ARHGAP24: variants seen among roughly 807,000 people sequenced by gnomAD.
ARHGAP24 encodes Rho GTPase activating protein 24, also known as rho GTPase-activating protein 24.
In ARHGAP24, 50 loss-of-function variants were observed where a neutral mutation model predicts 76.4. That is an observed-to-expected ratio of 0.65 (90% CI 0.52 to 0.83). ARHGAP24 has a LOEUF of 0.83. Among genes scored for constraint, ARHGAP24 ranks in the 40% least tolerant of loss-of-function variants. The pLI is 0.00. For synonymous variants in ARHGAP24, 345 were observed against 323.3 expected (o/e 1.07, Z -0.72); for missense variants, 930 against 914.2 (o/e 1.02, Z -0.22).
chr4:85,682,226 T>C (rs749924430), intron 2 of ARHGAP24, among the ~76,000 whole-genome samples: 1 of 152,194 alleles, frequency 6.6e-6, no homozygotes, highest in Non-Finnish European at 1.5e-5. Context: ...GAAACCATAA[T>C]AAGCCACAGA....
intron 2 of ARHGAP24, among the ~76,000 whole-genome samples, chr4:85,595,323 G>A (rs1259288358): frequency 1.3e-5 from 2 of 151,996 alleles, no homozygotes; most frequent in African/African-American, 2.4e-5. Context: ...TTTGTTTTGC[G>A]CTCAGTTCGT....
chr4:85,500,805 T>G (rs190024353), intron 1 of ARHGAP24, among the ~76,000 whole-genome samples: 159 of 152,182 alleles, frequency 1.0e-3, no homozygotes, highest in East Asian at 5.8e-4. Flanking sequence ...CCATGTTGGT[T>G]TGCTGCACCC....
intron 2 of ARHGAP24, among the ~76,000 whole-genome samples, chr4:85,701,177 A>T (rs1724072404): frequency 6.6e-6 from 1 of 152,184 alleles, no homozygotes; most frequent in African/African-American, 2.4e-5. Context: ...TCAGCTACTT[A>T]TATTTCTTCT....
chr4:85,899,631 C>T (rs1032263734), intron 3 of ARHGAP24, among the ~76,000 whole-genome samples: 1 of 152,148 alleles, frequency 6.6e-6, no homozygotes, highest in African/African-American at 2.4e-5. Context: ...CTGGTCAACT[C>T]CCAAGTAATA....
At chr4:85,828,566 C>A (rs1729836234) in intron 3 of ARHGAP24, among the ~76,000 whole-genome samples, 1 of 151,104 alleles carries the variant, frequency 6.6e-6, no homozygotes. Context: ...TACGTGCTAT[C>A]TTTTGATGTA....
chr4:85,561,674 A>AT (rs921907871), intron 1 of ARHGAP24, among the ~76,000 whole-genome samples: 6 of 152,072 alleles, frequency 3.9e-5, no homozygotes, highest in Admixed American at 2.0e-4. Context: ...TATCTGGTAT[A>AT]TTTTTTTACC....
intron 2 of ARHGAP24, among the ~76,000 whole-genome samples, chr4:85,619,443 T>C (rs542479760): frequency 6.6e-6 from 1 of 152,074 alleles, no homozygotes; most frequent in South Asian, 2.1e-4. Context: ...GCTTTGGCTA[T>C]TTGGGGTCTT....
At chr4:85,965,725 G>C (rs969556812) in intron 5 of ARHGAP24, among the ~76,000 whole-genome samples, 1 of 152,132 alleles carries the variant, frequency 6.6e-6, no homozygotes, top group African/African-American at 2.4e-5. Flanking sequence ...ATAAAACCTA[G>C]TCAGCAATTA....
chr4:85,720,332 A>C (rs923864302), intron 2 of ARHGAP24, among the ~76,000 whole-genome samples: 2 of 152,182 alleles, frequency 1.3e-5, no homozygotes, highest in Non-Finnish European at 2.9e-5. Context: ...CATTTGAAAA[A>C]TTTCAGACAA....
At chr4:85,829,827 T>C (rs1451471638) in intron 3 of ARHGAP24, among the ~76,000 whole-genome samples, 1 of 152,232 alleles carries the variant, frequency 6.6e-6, no homozygotes, top group Non-Finnish European at 1.5e-5. Context: ...GGTCAGCTTC[T>C]ATGTTGAAAC....
At chr4:85,817,548 A>T (rs893364331) in intron 3 of ARHGAP24, among the ~76,000 whole-genome samples, 1 of 152,210 alleles carries the variant, frequency 6.6e-6, no homozygotes, top group African/African-American at 2.4e-5. Flanking sequence ...GGAAGACATC[A>T]TACAATTTGT....
intron 3 of ARHGAP24, among the ~76,000 whole-genome samples, chr4:85,910,509 A>G (rs1192355647): frequency 6.6e-6 from 1 of 152,138 alleles, no homozygotes; most frequent in Non-Finnish European, 1.5e-5. Flanking sequence ...GGGTGTCCCA[A>G]CGAGTGTTCA....
chr4:85,957,653 TA>T (rs1737995645), intron 5 of ARHGAP24, among the ~76,000 whole-genome samples: 1 of 152,224 alleles, frequency 6.6e-6, no homozygotes, highest in African/African-American at 2.4e-5. Context: ...CACTCTTTGC[TA>T]ACACTGGGAG....
chr4:85,681,475 C>G (rs1166369903), intron 2 of ARHGAP24, among the ~76,000 whole-genome samples: 1 of 152,220 alleles, frequency 6.6e-6, no homozygotes, highest in Non-Finnish European at 1.5e-5. Context: ...CTCTCCACTT[C>G]CCTCCCAGGG....
intron 5 of ARHGAP24, among the ~76,000 whole-genome samples, chr4:85,963,645 T>C (rs985578972): frequency 1.3e-5 from 2 of 152,114 alleles, no homozygotes; most frequent in African/African-American, 4.8e-5. Context: ...TTTTATTCTT[T>C]AGTCTAAATT....
rs561014417 is a variant in ARHGAP24 at position 85,705,722 on chromosome 4, C to T, written c.181-16163C>T. Among the ~76,000 whole-genome samples, 37 of 152,198 alleles carry T rather than the reference C, an allele frequency of 2.4e-4. No homozygotes were observed. In the East Asian group the frequency reaches 6.5e-3, roughly 27 times the overall value. On this transcript the variant is annotated intron_variant, in intron 2 of 9. Transcript: ENST00000395184. ...GTCAGGAACTTGCTCAAAGTTGTACCTAACAAGGAGTAAAGTTTATATGTG... is the reference window on the plus strand; with the variant it reads ...GTCAGGAACTTGCTCAAAGTTGTACTTAACAAGGAGTAAAGTTTATATGTG...
chr4:85,491,133 C>G (rs1723341137), intron 1 of ARHGAP24, among the ~76,000 whole-genome samples: 1 of 152,118 alleles, frequency 6.6e-6, no homozygotes, highest in Non-Finnish European at 1.5e-5. Context: ...GTTTTGTCCC[C>G]TTGGAGGTTA....
intron 3 of ARHGAP24, among the ~76,000 whole-genome samples, chr4:85,852,763 G>T (rs181314903): frequency 6.6e-6 from 1 of 152,340 alleles, no homozygotes; most frequent in East Asian, 1.9e-4. Flanking sequence ...GACACTGTTT[G>T]CCTGGGTATC....
chr4:85,942,130 T>A lies in ARHGAP24; in HGVS notation c.456T>A (p.Ala152=), dbSNP rs753497989. The A allele has an allele frequency of 6.2e-6, 10 of 1,613,924 alleles. No individual in the cohort carries two copies. In the South Asian group the frequency reaches 1.1e-4, roughly 18 times the overall value. The part of the protein sequence containing the change: ...RYEKRYGNRL[A]PMLVEQCVDF... ...AGAAGAGATATGGGAACCGTCTGGC[T>A]CCGATGTTGGTGGAGCAGTGCGTGG... The change falls in exon 5 of 10, where the codon GCT becomes GCA. Residue 152 remains alanine (A), a synonymous_variant. Transcript: ENST00000395184.
Sources: gnomAD v4.1 joint callset for allele counts (sites outside exome capture counted in the v4.1 genomes callset) on GRCh38, gnomAD v4.1.1 for gene constraint, MANE v1.5 for transcripts, NCBI Gene and HGNC (gene_info 2026-07-23, HGNC 2026-07-21) for gene names.